Variants in CUEDC1 observed in about 807,000 individuals in gnomAD.
CUEDC1 encodes CUE domain containing 1.
In CUEDC1, 30 loss-of-function variants were observed where a neutral mutation model predicts 43.7. The ratio of observed to expected loss-of-function variants is 0.69; its 90% confidence interval spans 0.51 to 0.93. CUEDC1 has a LOEUF of 0.93. Ranked by LOEUF, CUEDC1 falls within the 40% of genes least tolerant of loss-of-function variation. CUEDC1 has a pLI of 0.00. For missense variants in CUEDC1, 486 were observed against 549.0 expected (o/e 0.89, Z 1.15); for synonymous variants, 223 against 223.6 (o/e 1.00, Z 0.02).
At chr17:57,867,758 G>T in intron 8 of CUEDC1, 1 of 474,926 alleles carries the variant, frequency 2.1e-6, no homozygotes, top group South Asian at 2.9e-5. Flanking sequence ...ACTCGAGGAA[G>T]GGAGGGCCAA....
chr17:57,933,201 C>T (rs914028595), intron 1 of CUEDC1, among the ~76,000 whole-genome samples: 2 of 137,472 alleles, frequency 1.5e-5, no homozygotes, highest in African/African-American at 3.1e-5. Context: ...TCACGGGCAG[C>T]AAGGGGGGAG....
chr17:57,895,831 A>G (rs765621390), intron 1 of CUEDC1, among the ~76,000 whole-genome samples: 11 of 152,202 alleles, frequency 7.2e-5, no homozygotes, highest in Non-Finnish European at 1.6e-4. Flanking sequence ...GTGCAGGGCC[A>G]AGGAAGCTGG....
intron 1 of CUEDC1, among the ~76,000 whole-genome samples, chr17:57,952,157 C>A (rs1042321064): frequency 3.3e-5 from 5 of 152,198 alleles, no homozygotes; most frequent in Non-Finnish European, 7.3e-5. Context: ...TCAAGGACCA[C>A]TGGACCACAG....
intron 1 of CUEDC1, among the ~76,000 whole-genome samples, chr17:57,906,742 G>A (rs1210594644): frequency 2.0e-5 from 3 of 152,006 alleles, no homozygotes; most frequent in East Asian, 1.9e-4. Context: ...AGGCCAAGGC[G>A]GGTGGATCAC....
intron 1 of CUEDC1, among the ~76,000 whole-genome samples, chr17:57,904,504 C>G (rs2074507524): frequency 6.6e-6 from 1 of 152,060 alleles, no homozygotes; most frequent in African/African-American, 2.4e-5. Context: ...GTAATGCAAA[C>G]AACAAAAAAA....
intron 1 of CUEDC1, among the ~76,000 whole-genome samples, chr17:57,890,587 C>T (rs1176484874): frequency 2.6e-5 from 4 of 152,236 alleles, no homozygotes; most frequent in Non-Finnish European, 4.4e-5. Context: ...TCCTCCAGGT[C>T]CCAGGAAGCC....
At chr17:57,890,515 TC>T (rs1568038845) in intron 1 of CUEDC1, among the ~76,000 whole-genome samples, 1 of 151,890 alleles carries the variant, frequency 6.6e-6, no homozygotes, top group Admixed American at 6.6e-5. Context: ...ACTCAAAGGC[TC>T]CCCTGAACTC....
rs965588140 is a variant in CUEDC1 at position 57,868,429 on chromosome 17, G to A, written c.941-186C>T. On this transcript the variant is annotated intron_variant, in intron 7 of 10. Transcript: ENST00000577830. ...CAGACCCCTGAGGACGCCACCCCAG[G>A]AGCAAGAGGCTACATCCTGGGTCAG... 13 of 610,158 alleles carry A rather than the reference G, an allele frequency of 2.1e-5. No homozygotes were observed. The South Asian group carries it at 2.3e-4, about 11-fold the overall frequency. The allele number at this position is 610,158 out of a possible 1,614,324, so 37.8% of individuals were successfully genotyped here. A position where few individuals can be genotyped will look rare whatever the true frequency, so the allele number is the denominator to read the frequency against.
At chr17:57,927,149 G>A (rs187336540) in intron 1 of CUEDC1, among the ~76,000 whole-genome samples, 17 of 152,302 alleles carry the variant, frequency 1.1e-4, no homozygotes, top group Admixed American at 1.1e-3. Context: ...CTCACCGAGC[G>A]GCTGGGACAG....
intron 2 of CUEDC1, among the ~76,000 whole-genome samples, chr17:57,883,701 C>T (rs7213059): frequency 0.13 from 19,666 of 151,820 alleles, 1,433 homozygotes; most frequent in African/African-American, 0.19. Context: ...CCAGCCTGGG[C>T]GACAGAGCAA....
chr17:57,897,842 G>A (rs541232013), intron 1 of CUEDC1, among the ~76,000 whole-genome samples: 86 of 151,966 alleles, frequency 5.7e-4, no homozygotes, highest in African/African-American at 1.9e-3. Flanking sequence ...GTGAAACCCC[G>A]ACTCTACTAA....
In CUEDC1 at chr17:57,937,202, G is replaced by A. The variant is rs528985975; in HGVS notation, c.-316+18023C>T. ...GCCTCAGCTTCTATTAATAATATTA[G>A]TTAACATTTGATTGCACATTCATTT... On this transcript the variant is annotated intron_variant, in intron 1 of 10. Coordinates refer to ENST00000577830, the MANE Select transcript of CUEDC1 (RefSeq NM_001271875.2). 3.3e-5 allele frequency among the ~76,000 whole-genome samples: 5 copies of A among 152,232 alleles called. No individual in the cohort carries two copies. In the East Asian group the frequency reaches 7.7e-4, roughly 23 times the overall value.
intron 1 of CUEDC1, among the ~76,000 whole-genome samples, chr17:57,887,638 C>T (rs1250215692): frequency 1.4e-5 from 2 of 145,522 alleles, no homozygotes; most frequent in Non-Finnish European, 3.0e-5. Context: ...ACTACAGGTA[C>T]ACGCCACCAC....
At chr17:57,894,308 A>AC (rs1240021540) in intron 1 of CUEDC1, among the ~76,000 whole-genome samples, 1 of 151,986 alleles carries the variant, frequency 6.6e-6, no homozygotes, top group East Asian at 1.9e-4. Context: ...TGCCTTGGCC[A>AC]CCCCCACCCC....
intron 1 of CUEDC1, among the ~76,000 whole-genome samples, chr17:57,937,099 G>A (rs1455436070): frequency 1.3e-5 from 2 of 152,032 alleles, no homozygotes; most frequent in African/African-American, 2.4e-5. Flanking sequence ...GATTACAGGT[G>A]TGAGCCACCG....
intron 1 of CUEDC1, among the ~76,000 whole-genome samples, chr17:57,898,048 T>C (rs1240228109): frequency 6.6e-6 from 1 of 152,174 alleles, no homozygotes; most frequent in African/African-American, 2.4e-5. Context: ...GAAAAAATCT[T>C]AAGAAAGCAA....
intron 4 of CUEDC1, among the ~76,000 whole-genome samples, 162 bp from the exon 5 acceptor site, chr17:57,873,017 G>A (rs990404587): frequency 3.9e-5 from 6 of 152,194 alleles, no homozygotes; most frequent in African/African-American, 9.7e-5. Flanking sequence ...AAAATCCAAC[G>A]GACAGGTCAG....
intron 2 of CUEDC1, among the ~76,000 whole-genome samples, chr17:57,884,654 C>T (rs987596387): frequency 6.6e-6 from 1 of 152,228 alleles, no homozygotes; most frequent in Non-Finnish European, 1.5e-5. Context: ...TGCCTGCACA[C>T]CCTTCCCCCG....
intron 1 of CUEDC1, among the ~76,000 whole-genome samples, chr17:57,932,052 G>A (rs1166204605): frequency 6.6e-6 from 1 of 150,790 alleles, no homozygotes; most frequent in Non-Finnish European, 1.5e-5. Context: ...CAGGCACATC[G>A]CCTGAGGTTA....
Sources: allele counts gnomAD v4.1 joint callset (sites outside exome capture counted in the v4.1 genomes callset), GRCh38; gene constraint gnomAD v4.1.1; transcripts MANE v1.5; gene names NCBI Gene and HGNC (gene_info 2026-07-23, HGNC 2026-07-21).